The following TAFA2 variants were observed in gnomAD, a reference collection of about 807,000 sequenced individuals.
TAFA2 encodes chemokine-like protein TAFA-2.
TAFA2 carries 7 observed loss-of-function variants against 18.8 expected under a neutral mutation model. The observed-to-expected ratio is 0.37, with a 90% confidence interval of 0.21 to 0.70. TAFA2 has a LOEUF of 0.70. Among genes scored for constraint, TAFA2 ranks in the 30% least tolerant of loss-of-function variants. The pLI is 0.53. For missense variants in TAFA2, 122 were observed against 158.1 expected, an observed-to-expected ratio of 0.77 and a Z score of 1.23; for synonymous variants, 60 against 54.2, an observed-to-expected ratio of 1.11 and a Z score of -0.47.
intron 1 of TAFA2, among the ~76,000 whole-genome samples, chr12:62,181,266 A>T (rs2062550489): frequency 6.6e-6 from 1 of 152,170 alleles, no homozygotes; most frequent in Non-Finnish European, 1.5e-5. Flanking sequence ...GCTACACTCT[A>T]TCAATTTGTA....
intron 1 of TAFA2, among the ~76,000 whole-genome samples, chr12:62,154,481 T>A (rs2136923233): frequency 6.6e-6 from 1 of 152,238 alleles, no homozygotes; most frequent in South Asian, 2.1e-4. Flanking sequence ...CAGTTAAAAT[T>A]AGGGTTATGT....
intron 1 of TAFA2, among the ~76,000 whole-genome samples, chr12:62,148,656 C>T (rs73315670): frequency 0.017 from 2,582 of 152,162 alleles, 73 homozygotes; most frequent in African/African-American, 0.059. Flanking sequence ...CTCAATATAC[C>T]CATATAACAT....
intron 2 of TAFA2, among the ~76,000 whole-genome samples, chr12:61,818,374 C>A (rs1371168226): frequency 1.3e-5 from 2 of 151,952 alleles, no homozygotes; most frequent in African/African-American, 4.8e-5. Flanking sequence ...GGTCCTCAAT[C>A]TTCTCATCAG....
intron 2 of TAFA2, among the ~76,000 whole-genome samples, chr12:61,797,678 C>T (rs563121989): frequency 5.9e-5 from 9 of 152,246 alleles, no homozygotes; most frequent in South Asian, 4.1e-4. Context: ...ATCAGTGCTT[C>T]GGCACTGGTG....
chr12:62,166,285 A>G (rs948826101), intron 1 of TAFA2, among the ~76,000 whole-genome samples: 1 of 152,188 alleles, frequency 6.6e-6, no homozygotes, highest in Admixed American at 6.5e-5. Flanking sequence ...GCAATTTGGT[A>G]TAACAATTGG....
chr12:61,875,053 G>C (rs1874783522), intron 1 of TAFA2, among the ~76,000 whole-genome samples: 1 of 151,864 alleles, frequency 6.6e-6, no homozygotes, highest in Non-Finnish European at 1.5e-5. Flanking sequence ...ATGTGATCCT[G>C]GATTCCAACA....
At chr12:61,949,203 C>G (rs1412769923) in intron 1 of TAFA2, among the ~76,000 whole-genome samples, 2 of 152,150 alleles carry the variant, frequency 1.3e-5, no homozygotes, top group Non-Finnish European at 2.9e-5. Flanking sequence ...GGCTGACCCT[C>G]CCATGAGTAA....
At chr12:62,209,516 A>G (rs1406217171) in intron 1 of TAFA2, among the ~76,000 whole-genome samples, 4 of 152,248 alleles carry the variant, frequency 2.6e-5, no homozygotes, top group Non-Finnish European at 4.4e-5. Flanking sequence ...ACTAATACAC[A>G]TGTGAAAGTA....
intron 2 of TAFA2, among the ~76,000 whole-genome samples, chr12:61,760,736 T>A (rs1869506148): frequency 6.6e-6 from 1 of 151,840 alleles, no homozygotes; most frequent in Non-Finnish European, 1.5e-5. Context: ...AATTGAATAT[T>A]AGTGCTTTCC....
At chr12:61,951,207 C>A (rs545063701) in intron 1 of TAFA2, among the ~76,000 whole-genome samples, 1 of 152,300 alleles carries the variant, frequency 6.6e-6, no homozygotes, top group African/African-American at 2.4e-5. Flanking sequence ...AGCAGTCTCA[C>A]ACGTGGATTT....
At chr12:62,173,426 A>G (rs2062492439) in intron 1 of TAFA2, among the ~76,000 whole-genome samples, 1 of 152,112 alleles carries the variant, frequency 6.6e-6, no homozygotes, top group South Asian at 2.1e-4. Flanking sequence ...AGAAAAAAAA[A>G]TAGTGTGAAA....
At chr12:61,754,377 A>G (rs1201080018) in intron 3 of TAFA2, among the ~76,000 whole-genome samples, 3 of 152,000 alleles carry the variant, frequency 2.0e-5, no homozygotes, top group Non-Finnish European at 2.9e-5. Flanking sequence ...AATTAGGTGA[A>G]CCCTCAAGGA....
chr12:62,103,681 C>T (rs1463729369), intron 1 of TAFA2, among the ~76,000 whole-genome samples: 1 of 150,874 alleles, frequency 6.6e-6, no homozygotes, highest in African/African-American at 2.4e-5. Flanking sequence ...GCGGAGGTTG[C>T]GGTGAGCCAA....
rs192442407 is a variant in TAFA2, at chr12:61,953,149, G to A, written c.-1-85723C>T. Among the ~76,000 whole-genome samples the A allele has an allele frequency of 2.1e-4, 32 of 152,096 alleles. 1 individual carries two copies. The highest frequency in any genetic ancestry group is 1.9e-3 in the Admixed American group (29 of 15,254). The stretch of plus-strand genomic sequence containing the variant: ...GAAGAGAAGCAATAATAGTCATTGA[G>A]CCAGTTCAGTGTCCTGAGAACCTAT... On this transcript the variant is annotated intron_variant, in intron 1 of 4. Coordinates refer to ENST00000416284, the MANE Select transcript of TAFA2 (RefSeq NM_178539.5).
At chr12:61,893,437 G>C (rs543413651) in intron 1 of TAFA2, among the ~76,000 whole-genome samples, 11 of 152,320 alleles carry the variant, frequency 7.2e-5, no homozygotes, top group African/African-American at 2.6e-4. Flanking sequence ...ATGGGAGCAC[G>C]TAGGGTTGGG....
chr12:62,056,994 G>T (rs1882204457), intron 1 of TAFA2, among the ~76,000 whole-genome samples: 1 of 152,108 alleles, frequency 6.6e-6, no homozygotes, highest in Non-Finnish European at 1.5e-5. Context: ...TTCTAAGTTT[G>T]GTGTCAAGAG....
intron 1 of TAFA2, among the ~76,000 whole-genome samples, chr12:61,938,511 A>G (rs548958742): frequency 6.6e-6 from 1 of 152,294 alleles, no homozygotes; most frequent in African/African-American, 2.4e-5. Context: ...AGATTTCTAA[A>G]GAACTAAAAG....
intron 2 of TAFA2, among the ~76,000 whole-genome samples, chr12:61,761,028 T>C (rs1474664172): frequency 1.3e-5 from 2 of 152,036 alleles, no homozygotes; most frequent in African/African-American, 4.8e-5. Flanking sequence ...AGCTCTAATT[T>C]CTGCCTTCCA....
chr12:62,079,134 T>C (rs1490584122), intron 1 of TAFA2, among the ~76,000 whole-genome samples: 1 of 152,180 alleles, frequency 6.6e-6, no homozygotes, highest in East Asian at 1.9e-4. Flanking sequence ...CAGCGTCAGC[T>C]CTTCAGGAAC....
Sources: allele counts gnomAD v4.1 joint callset (sites outside exome capture counted in the v4.1 genomes callset), GRCh38; gene constraint gnomAD v4.1.1; transcripts MANE v1.5; gene names NCBI Gene and HGNC (gene_info 2026-07-23, HGNC 2026-07-21).